CNTN4: variants seen among roughly 807,000 people sequenced by gnomAD.
CNTN4 encodes contactin 4.
CNTN4 carries 77 observed loss-of-function variants against 122.5 expected under a neutral mutation model. The ratio of observed to expected loss-of-function variants is 0.63; its 90% confidence interval spans 0.52 to 0.76. CNTN4 has a LOEUF of 0.76. Among genes scored for constraint, CNTN4 ranks in the 30% least tolerant of loss-of-function variants. The pLI, the probability that CNTN4 is intolerant of heterozygous loss-of-function variation, is 0.00. For missense variants in CNTN4, 1,256 were observed against 1,259.1 expected (o/e 1.00, Z 0.04); for synonymous variants, 512 against 447.0 (o/e 1.15, Z -1.83).
At chr3:2,123,139 A>G (rs1206839812) in intron 2 of CNTN4, among the ~76,000 whole-genome samples, 2 of 152,220 alleles carry the variant, frequency 1.3e-5, no homozygotes, top group Non-Finnish European at 2.9e-5. Context: ...AGTTTATGGT[A>G]AATTATAGCT....
rs1441593369 is a variant in CNTN4, at chr3:3,040,230, G to A, written c.2357G>A (p.Gly786Asp). 1.2e-5 allele frequency: 19 copies of A among 1,614,036 alleles called. No homozygotes were observed. Among genetic ancestry groups the A allele is most frequent in the Non-Finnish European group, 1.6e-5 (19 of 1,180,004 alleles). The change falls in exon 20 of 25, where the codon GGC becomes GAC. Residue 786 changes from glycine (G) to aspartate (D), a missense_variant. Gly to Asp is a moderately conservative substitution (Grantham distance 94). Coordinates refer to ENST00000418658, the MANE Select transcript of CNTN4 (RefSeq NM_175607.3). Reference protein sequence around the residue: ...KVGVFNNKGEGPFSPTTVVYS... With the variant: ...KVGVFNNKGEDPFSPTTVVYS... ...GGTGTCTTCAACAACAAAGGAGAAG[G>A]CCCTTTCAGTCCCACCACGGTGGTG...
chr3:2,383,891 A>C (rs186410605), intron 3 of CNTN4, among the ~76,000 whole-genome samples: 1 of 152,196 alleles, frequency 6.6e-6, no homozygotes, highest in Non-Finnish European at 1.5e-5. Context: ...TGTTCTAATA[A>C]ACCCATTGTA....
intron 8 of CNTN4, among the ~76,000 whole-genome samples, chr3:2,869,392 G>A (rs1364126593): frequency 6.6e-6 from 1 of 152,098 alleles, no homozygotes; most frequent in African/African-American, 2.4e-5. Context: ...GTAAAGCTGC[G>A]AGAACCTGAT....
chr3:2,238,302 T>C (rs1445858159), intron 2 of CNTN4, among the ~76,000 whole-genome samples: 1 of 152,088 alleles, frequency 6.6e-6, no homozygotes, highest in African/African-American at 2.4e-5. Flanking sequence ...TTATGGAATA[T>C]ATAGCTAAAT....
At chr3:2,804,972 C>T (rs916488157) in intron 6 of CNTN4, among the ~76,000 whole-genome samples, 7 of 152,130 alleles carry the variant, frequency 4.6e-5, no homozygotes, top group African/African-American at 1.2e-4. Context: ...GTCAGGAGTT[C>T]AAGACCAGCC....
At chr3:2,718,370 T>C (rs565226757) in intron 4 of CNTN4, among the ~76,000 whole-genome samples, 370 of 152,304 alleles carry the variant, frequency 2.4e-3, no homozygotes, top group Non-Finnish European at 4.2e-3. Context: ...TGCTGGATAT[T>C]TTGCCCAGAG....
chr3:2,226,287 G>A (rs1016503142), intron 2 of CNTN4, among the ~76,000 whole-genome samples: 36 of 152,170 alleles, frequency 2.4e-4, no homozygotes, highest in East Asian at 1.4e-3. Context: ...ACTCCCTATC[G>A]TAGTTAGCAA....
chr3:2,358,815 T>C (rs187268438), intron 3 of CNTN4, among the ~76,000 whole-genome samples: 6 of 152,322 alleles, frequency 3.9e-5, no homozygotes, highest in Admixed American at 2.6e-4. Context: ...TATTCCAATA[T>C]AGTTACTTGA....
intron 3 of CNTN4, among the ~76,000 whole-genome samples, chr3:2,549,194 C>G (rs2078376899): frequency 6.6e-6 from 1 of 152,130 alleles, no homozygotes; most frequent in African/African-American, 2.4e-5. Flanking sequence ...CTCTTTATTT[C>G]TTTCTCTTGC....
At chr3:2,995,699 T>C (rs1053232677) in intron 14 of CNTN4, among the ~76,000 whole-genome samples, 17 of 152,204 alleles carry the variant, frequency 1.1e-4, no homozygotes, top group South Asian at 2.1e-4. Flanking sequence ...TGGTGTGATT[T>C]TTTTACATAT....
At chr3:2,310,583 C>G (rs954560354) in intron 2 of CNTN4, among the ~76,000 whole-genome samples, 1 of 152,048 alleles carries the variant, frequency 6.6e-6, no homozygotes, top group Non-Finnish European at 1.5e-5. Context: ...TAGTTTTATG[C>G]CATCATCTGC....
chr3:2,385,488 A>C lies in CNTN4; in HGVS notation c.-89+46255A>C, dbSNP rs969036975. Among the ~76,000 whole-genome samples the C allele has an allele frequency of 6.6e-6, 1 of 152,064 alleles. No individual in the cohort carries two copies. Among genetic ancestry groups the C allele is most frequent in the Non-Finnish European group, 1.5e-5 (1 of 68,034 alleles). The stretch of plus-strand genomic sequence containing the variant: ...GGACTGCCACAGCAAAGTACCATAC[A>C]CAGGGTGACTTAAAATGACAGAAGT... On this transcript the variant is annotated intron_variant, in intron 3 of 24. Transcript: ENST00000418658. The surrounding 1 kb of genome is among the most constrained non-coding windows in gnomAD (Gnocchi z 4.0).
intron 3 of CNTN4, among the ~76,000 whole-genome samples, chr3:2,548,764 G>A (rs376830570): frequency 7.5e-4 from 114 of 152,212 alleles, no homozygotes; most frequent in African/African-American, 2.5e-3. Flanking sequence ...AATTACTTTG[G>A]GCAGTATGGC....
intron 6 of CNTN4, among the ~76,000 whole-genome samples, chr3:2,790,928 A>G (rs1431103264): frequency 2.0e-5 from 3 of 152,194 alleles, no homozygotes; most frequent in Non-Finnish European, 2.9e-5. Flanking sequence ...TTGTTTAGAT[A>G]AGGTTCAAAT....
intron 8 of CNTN4, among the ~76,000 whole-genome samples, chr3:2,872,770 G>T (rs1406978994): frequency 6.6e-6 from 1 of 152,012 alleles, no homozygotes; most frequent in African/African-American, 2.4e-5. Context: ...ATATAGGTAT[G>T]TATATATAAA....
intron 4 of CNTN4, among the ~76,000 whole-genome samples, chr3:2,622,280 A>AT (rs2082019863): frequency 6.6e-6 from 1 of 152,170 alleles, no homozygotes; most frequent in Non-Finnish European, 1.5e-5. Context: ...TTTGGACAAG[A>AT]ATATAAAGAC....
intron 3 of CNTN4, among the ~76,000 whole-genome samples, chr3:2,469,310 C>G (rs1469165683): frequency 6.6e-6 from 1 of 152,154 alleles, no homozygotes; most frequent in Non-Finnish European, 1.5e-5. Context: ...GCTATTCAGA[C>G]TAAGAAAACA....
intron 12 of CNTN4, among the ~76,000 whole-genome samples, chr3:2,922,742 A>G (rs1173195080): frequency 8.0e-5 from 12 of 150,074 alleles, no homozygotes; most frequent in Non-Finnish European, 2.9e-5. Flanking sequence ...CCTCCCCAGT[A>G]GTTGGATTAC....
rs774585028 is a variant in CNTN4 at position 2,887,137 on chromosome 3, T to A, written c.853T>A (p.Phe285Ile). Residue 285 changes from phenylalanine (F) to isoleucine (I), a missense_variant, in exon 10 of 25, where the codon TTT becomes ATT. By Grantham distance (21) the Phe-to-Ile change is conservative. Transcript: ENST00000418658. Reference protein sequence around the residue: ...KSNGILEIPNFQQEDAGLYEC... With the variant: ...KSNGILEIPNIQQEDAGLYEC... ...AAATGGAATTCTTGAGATCCCTAAT[T>A]TTCAGCAGGAGGATGCTGGTTTATA... 6.8e-6 allele frequency: 11 copies of A among 1,613,952 alleles called. No individual in the cohort carries two copies. Among genetic ancestry groups the A allele is most frequent in the Non-Finnish European group, 9.3e-6 (11 of 1,180,002 alleles).
Sources: allele counts gnomAD v4.1 joint callset (sites outside exome capture counted in the v4.1 genomes callset), GRCh38; gene constraint gnomAD v4.1.1; non-coding constraint Gnocchi (gnomAD v3.1); transcripts MANE v1.5; gene names NCBI Gene and HGNC (gene_info 2026-07-23, HGNC 2026-07-21).